Variants in CLPX observed in about 807,000 individuals in gnomAD.
The protein encoded by CLPX is ATP-dependent clpX-like chaperone, mitochondrial.
CLPX carries 34 observed loss-of-function variants against 76.4 expected under a neutral mutation model. That is an observed-to-expected ratio of 0.45 (90% CI 0.34 to 0.59). The LOEUF is 0.59. Ranked by LOEUF, CLPX falls within the 20% of genes least tolerant of loss-of-function variation. The pLI is 0.01. For missense variants in CLPX, 613 were observed against 757.0 expected (o/e 0.81, Z 2.23); for synonymous variants, 248 against 270.9 (o/e 0.92, Z 0.83).
At chr15:65,166,486 A>AACCC in intron 4 of CLPX, 145 bp downstream of exon 4, 1 of 830,418 alleles carries the variant, frequency 1.2e-6, no homozygotes, top group Admixed American at 2.7e-5. Context: ...AAAGGCAATA[A>AACCC]CAATTTAGCC....
intron 11 of CLPX, among the ~76,000 whole-genome samples, chr15:65,154,405 T>C (rs140112044): frequency 4.2e-4 from 64 of 152,298 alleles, no homozygotes; most frequent in African/African-American, 1.4e-3. Context: ...CAGAGAAGTA[T>C]ATGTGGGATT....
intron 10 of CLPX, 101 bp from the exon 11 acceptor site, chr15:65,155,182 G>T: frequency 9.7e-7 from 1 of 1,030,948 alleles, no homozygotes; most frequent in Non-Finnish European, 1.4e-6. Flanking sequence ...ACAACTCTAT[G>T]AAGAAGGTTT....
rs1404070717 is a variant in CLPX, at chr15:65,149,560, G to A, written c.*1263C>T. The A allele has an allele frequency of 2.2e-6, 1 of 453,338 alleles. No homozygotes were observed. Among genetic ancestry groups the A allele is most frequent in the South Asian group, 1.6e-5 (1 of 64,194 alleles). The allele number at this position is 453,338 out of a possible 1,614,324, so 28.1% of individuals were successfully genotyped here. A position where few individuals can be genotyped will look rare whatever the true frequency, so the allele number is the denominator to read the frequency against. On this transcript the variant is annotated 3_prime_UTR_variant, in exon 14 of 14. Transcript: ENST00000300107. ...ATGTACTCACCCATAGTACTAAAAT[G>A]GATTAAAGATGGTAAATAAGGCCGG...
chr15:65,168,383 C>CAAAAAAAAA (rs71136319), intron 3 of CLPX, among the ~76,000 whole-genome samples: 1,416 of 35,630 alleles, frequency 0.04, 354 homozygotes, highest in African/African-American at 0.05. Flanking sequence ...GACTCTGTCT[C>CAAAAAAAAA]AAAAAAAAAA....
intron 1 of CLPX, 30 bp downstream of exon 1, chr15:65,185,045 G>T: frequency 6.5e-7 from 1 of 1,538,006 alleles, no homozygotes; most frequent in South Asian, 1.2e-5. Context: ...CCGACAGGCT[G>T]AGGGCTCAGG....
chr15:65,183,385 C>T (rs2140655944), intron 1 of CLPX, among the ~76,000 whole-genome samples: 2 of 149,546 alleles, frequency 1.3e-5, no homozygotes, highest in South Asian at 4.2e-4. Flanking sequence ...GGCGTGAACC[C>T]AGGAGGCGGA....
chr15:65,168,333 G>A (rs1452321013), intron 3 of CLPX, among the ~76,000 whole-genome samples: 1 of 117,846 alleles, frequency 8.5e-6, no homozygotes, highest in Non-Finnish European at 1.6e-5. Flanking sequence ...GCAGTGAGAT[G>A]AGATTGCACC....
rs142115778 is a variant in CLPX, at chr15:65,167,352, G to T, written c.359-567C>A. On this transcript the variant is annotated intron_variant, in intron 3 of 13. Coordinates refer to ENST00000300107, the MANE Select transcript of CLPX (RefSeq NM_006660.5). ...CCAAAGTGCTGGGATTTACAGGCGT[G>T]AGCCACCGCACCCGGCCCACTAAAA... Among the ~76,000 whole-genome samples the T allele has an allele frequency of 5.9e-4, 89 of 152,082 alleles. 1 individual carries two copies. Among genetic ancestry groups the T allele is most frequent in the African/African-American group, 2.1e-3 (88 of 41,508 alleles).
At chr15:65,183,032 G>A (rs1485333537) in intron 1 of CLPX, among the ~76,000 whole-genome samples, 2 of 151,836 alleles carry the variant, frequency 1.3e-5, no homozygotes, top group Non-Finnish European at 2.9e-5. Flanking sequence ...GCGTGGTGGC[G>A]CGCGCCTGTA....
chr15:65,154,937 C>A lies in CLPX; in HGVS notation c.1456G>T (p.Asp486Tyr). The A allele has an allele frequency of 6.2e-7, 1 of 1,614,160 alleles. No individual in the cohort carries two copies. The highest frequency in any genetic ancestry group is 8.5e-7 in the Non-Finnish European group (1 of 1,180,036). ...DRLLRHVEAR[D>Y]LIEFGMIPEF... ...GGAATCATGCCAAACTCAATCAGAT[C>A]TCTGGCTTCCACATGACGCAATAAC... Residue 486 changes from aspartate (D) to tyrosine (Y), a missense_variant, in exon 11 of 14, where the codon GAT (aspartate) becomes TAT (tyrosine). Around this residue, in one of 2 missense-constraint regions of CLPX, gnomAD observed 450 missense variants for 638.6 expected, o/e 0.70. Coordinates refer to ENST00000300107, the MANE Select transcript of CLPX (RefSeq NM_006660.5).
chr15:65,154,670 T>C (rs1444181506), intron 11 of CLPX, 112 bp downstream of exon 11: 3 of 729,094 alleles, frequency 4.1e-6, no homozygotes, highest in African/African-American at 1.8e-5. Flanking sequence ...TAGTAAGGAA[T>C]AGGCTGGTAT....
In CLPX at chr15:65,154,980, G is replaced by A. The variant is rs745631028; in HGVS notation, c.1413C>T (p.Asp471=). 1 of 1,614,100 alleles carries A rather than the reference G, an allele frequency of 6.2e-7. No homozygotes were observed. Among genetic ancestry groups the A allele is most frequent in the Non-Finnish European group, 8.5e-7 (1 of 1,179,998 alleles). The change falls in exon 11 of 14, where the codon GAC becomes GAT. Residue 471 remains aspartate, a synonymous_variant. Transcript: ENST00000300107. ...NRSGESNTHQ[D]IEEKDRLLRH... The stretch of plus-strand genomic sequence containing the variant: ...GCAATAACCGATCTTTTTCTTCAAT[G>A]TCTTGGTGAGTATTCGATTCCCCAC...
At chr15:65,151,111 G>A (rs1248718889) in intron 13 of CLPX, among the ~76,000 whole-genome samples, 198 bp from the exon 14 acceptor site, 2 of 151,976 alleles carry the variant, frequency 1.3e-5, no homozygotes, top group African/African-American at 2.4e-5. Context: ...TTGGAAGGCC[G>A]AGGAGGGCTG....
At chr15:65,179,365 A>G (rs1014605142) in intron 2 of CLPX, among the ~76,000 whole-genome samples, 5 of 152,188 alleles carry the variant, frequency 3.3e-5, no homozygotes, top group Non-Finnish European at 7.4e-5. Context: ...CTACATTTCA[A>G]TGAAATTGAA....
intron 6 of CLPX, 21 bp downstream of exon 6, chr15:65,162,583 G>A (rs367705254): frequency 1.3e-6 from 2 of 1,535,038 alleles, no homozygotes; most frequent in African/African-American, 1.4e-5. Context: ...TGATTACAGA[G>A]GAGGACCTGA....
At chr15:65,183,623 GA>G (rs563921046) in intron 1 of CLPX, among the ~76,000 whole-genome samples, 9 of 151,042 alleles carry the variant, frequency 6.0e-5, no homozygotes, top group African/African-American at 1.5e-4. Flanking sequence ...GTTTTGAAAA[GA>G]AAAAAAAATA....
At chr15:65,154,017 A>T (rs944812720) in intron 11 of CLPX, among the ~76,000 whole-genome samples, 3 of 152,204 alleles carry the variant, frequency 2.0e-5, no homozygotes, top group Non-Finnish European at 4.4e-5. Flanking sequence ...GAGCTAAGGG[A>T]GCAGCAAAGG....
chr15:65,152,065 G>A (rs545899659), intron 13 of CLPX, among the ~76,000 whole-genome samples: 1 of 152,182 alleles, frequency 6.6e-6, no homozygotes, highest in East Asian at 1.9e-4. Context: ...GAGTAGCTGG[G>A]ACTACAGACG....
At chr15:65,151,121 G>T (rs2087713585) in intron 13 of CLPX, among the ~76,000 whole-genome samples, 1 of 152,024 alleles carries the variant, frequency 6.6e-6, no homozygotes, top group Non-Finnish European at 1.5e-5. Context: ...GAGGAGGGCT[G>T]ATCACTTGAG....
Sources: gnomAD v4.1 joint callset for allele counts (sites outside exome capture counted in the v4.1 genomes callset) on GRCh38, gnomAD v4.1.1 for gene constraint, gnomAD v4.1.1 regional missense constraint, MANE v1.5 for transcripts, NCBI Gene and HGNC (gene_info 2026-07-23, HGNC 2026-07-21) for gene names.